NCALD: variants seen among roughly 807,000 people sequenced by gnomAD.
NCALD encodes the protein neurocalcin-delta.
In NCALD, 10 loss-of-function variants were observed where a neutral mutation model predicts 18.6. That is an observed-to-expected ratio of 0.54 (90% CI 0.33 to 0.91). The LOEUF is 0.91. Among genes scored for constraint, NCALD ranks in the 40% least tolerant of loss-of-function variants. The probability of loss-of-function intolerance (pLI) is 0.03; values close to 1 mark genes in which losing one functional copy is unlikely to be tolerated. For missense variants in NCALD, 184 were observed against 247.6 expected (o/e 0.74, Z 1.72); for synonymous variants, 88 against 87.4 (o/e 1.01, Z -0.04).
intron 1 of NCALD, among the ~76,000 whole-genome samples, chr8:101,741,960 A>AAG (rs386413498): frequency 1.5e-4 from 3 of 20,092 alleles, no homozygotes; most frequent in Non-Finnish European, 7.8e-4. Flanking sequence ...AAAAGAAAAG[A>AAG]AAAAAAAAAA....
chr8:101,932,823 AAGTT>A lies in NCALD; in HGVS notation c.-156-16969_-156-16966del, dbSNP rs553604050. Among the ~76,000 whole-genome samples, 13 of 152,278 alleles carry A rather than the reference AAGTT, an allele frequency of 8.5e-5. No homozygotes were observed. The East Asian group carries it at 2.5e-3, about 29-fold the overall frequency. On this transcript the variant is annotated intron_variant, in intron 2 of 6. Transcript: ENST00000311028. Reference sequence around the variant, plus strand: ...CAAACTTAAATGACAACAATCTAACAAGTTAGTTAGCTAGAGAATATTATTTTGC... The same window carrying A: ...CAAACTTAAATGACAACAATCTAACAAGTTAGCTAGAGAATATTATTTTGC...
intron 2 of NCALD, among the ~76,000 whole-genome samples, chr8:101,996,122 G>C (rs1821231823): frequency 6.6e-6 from 1 of 152,194 alleles, no homozygotes; most frequent in Admixed American, 6.5e-5. Context: ...TACTAAGCAG[G>C]CATTCAGTAA....
intron 3 of NCALD, among the ~76,000 whole-genome samples, chr8:101,889,620 T>C (rs542341922): frequency 6.6e-6 from 1 of 152,372 alleles, no homozygotes; most frequent in South Asian, 2.1e-4. Context: ...TTTTAACATG[T>C]AGCACTCAAA....
At chr8:101,830,471 G>A (rs976217164) in intron 4 of NCALD, among the ~76,000 whole-genome samples, 2 of 151,416 alleles carry the variant, frequency 1.3e-5, no homozygotes, top group African/African-American at 4.8e-5. Context: ...TGAGGCAGGA[G>A]AATCACTTGA....
chr8:101,918,740 C>CACACACA, intron 2 of NCALD, among the ~76,000 whole-genome samples: 1 of 140,754 alleles, frequency 7.1e-6, no homozygotes, highest in East Asian at 2.2e-4. Context: ...TTTACAATAG[C>CACACACA]CACACACACA....
chr8:101,704,273 G>A (rs1815407087), intron 2 of NCALD, among the ~76,000 whole-genome samples: 1 of 152,168 alleles, frequency 6.6e-6, no homozygotes, highest in Non-Finnish European at 1.5e-5. Context: ...TAGTGGAGTG[G>A]TTCATGATTA....
intron 3 of NCALD, among the ~76,000 whole-genome samples, chr8:101,891,288 T>C (rs1313265862): frequency 6.6e-6 from 1 of 152,222 alleles, no homozygotes; most frequent in Non-Finnish European, 1.5e-5. Context: ...CCCCCATTCC[T>C]CATCCTTGAC....
chr8:101,724,204 A>G (rs1816478864), intron 1 of NCALD, among the ~76,000 whole-genome samples: 1 of 152,236 alleles, frequency 6.6e-6, no homozygotes, highest in African/African-American at 2.4e-5. Flanking sequence ...AGTTTTTCTT[A>G]TAAGTGACTA....
chr8:101,794,257 G>C (rs1361218897), upstream of NCALD, among the ~76,000 whole-genome samples: 2 of 152,152 alleles, frequency 1.3e-5, no homozygotes, highest in South Asian at 2.1e-4. Flanking sequence ...TTATTCATCT[G>C]TACAACACTA....
upstream of NCALD, chr8:102,124,509 C>CT (rs1237613913): frequency 1.4e-5 from 2 of 143,344 alleles, no homozygotes; most frequent in African/African-American, 2.5e-5. Context: ...CCCCCCCTCC[C>CT]CCGCTTGCCC....
chr8:101,962,915 T>TA (rs1819887693), intron 2 of NCALD, among the ~76,000 whole-genome samples: 1 of 152,002 alleles, frequency 6.6e-6, no homozygotes, highest in African/African-American at 2.4e-5. Context: ...TGGGGCAGGT[T>TA]AAAAACAAAC....
chr8:101,804,607 T>C (rs1290114961), intron 4 of NCALD, among the ~76,000 whole-genome samples: 1 of 130,254 alleles, frequency 7.7e-6, no homozygotes, highest in Non-Finnish European at 1.5e-5. Flanking sequence ...TTAATATAAT[T>C]AATTATATAA....
intron 3 of NCALD, among the ~76,000 whole-genome samples, chr8:101,899,255 A>G (rs78545439): frequency 0.042 from 6,407 of 152,026 alleles, 378 homozygotes; most frequent in African/African-American, 0.12. Flanking sequence ...CAACCTAACT[A>G]AACTCATTTA....
In NCALD at chr8:101,962,448, C is replaced by T. The variant is rs1453145695; in HGVS notation, c.-156-46590G>A. Reference sequence around the variant, plus strand: ...AATCTGGCTGCTGGCCTATGCAGCACCTAGCTTCAGTCAAATTAGTTTTAA... The same window carrying T: ...AATCTGGCTGCTGGCCTATGCAGCATCTAGCTTCAGTCAAATTAGTTTTAA... On this transcript the variant is annotated intron_variant, in intron 2 of 6. Coordinates refer to the NCALD transcript ENST00000311028. Among the ~76,000 whole-genome samples the T allele has an allele frequency of 2.0e-5, 3 of 152,220 alleles. No individual in the cohort carries two copies. The South Asian group carries it at 6.2e-4, about 31-fold the overall frequency.
At chr8:101,832,857 C>G (rs551087815) in intron 4 of NCALD, among the ~76,000 whole-genome samples, 6 of 152,352 alleles carry the variant, frequency 3.9e-5, no homozygotes, top group African/African-American at 1.2e-4. Context: ...TCATTATTCA[C>G]CTGCCAGGTC....
At chr8:101,812,273 T>C (rs901031740) in intron 4 of NCALD, among the ~76,000 whole-genome samples, 7 of 151,720 alleles carry the variant, frequency 4.6e-5, no homozygotes, top group Non-Finnish European at 1.0e-4. Context: ...TGAATCAAGC[T>C]CATCACCAAA....
chr8:102,029,442 A>G (rs1822586632), intron 1 of NCALD, among the ~76,000 whole-genome samples: 1 of 152,226 alleles, frequency 6.6e-6, no homozygotes, highest in Non-Finnish European at 1.5e-5. Context: ...TCATAAGTGA[A>G]AATCGATATT....
chr8:101,809,195 C>T (rs1813217880), intron 4 of NCALD, among the ~76,000 whole-genome samples: 1 of 152,060 alleles, frequency 6.6e-6, no homozygotes, highest in Admixed American at 6.6e-5. Flanking sequence ...AATGTTCATG[C>T]AAAGACTGTT....
rs562612505 is a variant in NCALD at position 101,850,543 on chromosome 8, C to T, written c.-20+36598G>A. Among the ~76,000 whole-genome samples the T allele has an allele frequency of 5.9e-5, 9 of 152,246 alleles. No individual in the cohort carries two copies. In the East Asian group the frequency reaches 1.2e-3, roughly 20 times the overall value. ...GGATCTGCAAATCTATAGGCTGTTG[C>T]GGGCTCTTGGATGTTTTCACAAAAT... On this transcript the variant is annotated intron_variant, in intron 4 of 6. Transcript: ENST00000311028.
Sources: allele counts gnomAD v4.1 joint callset (sites outside exome capture counted in the v4.1 genomes callset), GRCh38; gene constraint gnomAD v4.1.1; transcripts MANE v1.5; gene names NCBI Gene and HGNC (gene_info 2026-07-23, HGNC 2026-07-21).